The following ZNF385D variants were observed in gnomAD, a reference collection of about 807,000 sequenced individuals.
The protein encoded by ZNF385D is zinc finger protein 385D, also known as zinc finger protein 659.
In ZNF385D, 15 loss-of-function variants were observed where a neutral mutation model predicts 35.8. The ratio of observed to expected loss-of-function variants is 0.42; its 90% confidence interval spans 0.28 to 0.64. The LOEUF is 0.64. Ranked by LOEUF, ZNF385D falls within the 30% of genes least tolerant of loss-of-function variation. The probability of loss-of-function intolerance (pLI) is 0.23; values close to 1 mark genes in which losing one functional copy is unlikely to be tolerated. For missense variants in ZNF385D, 474 were observed against 494.6 expected (o/e 0.96, Z 0.39); for synonymous variants, 212 against 186.8 (o/e 1.13, Z -1.10).
intron 1 of ZNF385D, among the ~76,000 whole-genome samples, chr3:21,750,134 C>T (rs1280317506): frequency 6.6e-6 from 1 of 152,222 alleles, no homozygotes; most frequent in Non-Finnish European, 1.5e-5. Flanking sequence ...GGCTTGCCTC[C>T]TGTACTAGCA....
intron 3 of ZNF385D, among the ~76,000 whole-genome samples, chr3:21,769,338 G>A (rs548673781): frequency 2.2e-4 from 28 of 129,010 alleles, no homozygotes; most frequent in East Asian, 2.6e-4. Context: ...AGAAAACCCC[G>A]TCGTCTCAGC....
chr3:21,483,387 A>G (rs549225531), intron 4 of ZNF385D, among the ~76,000 whole-genome samples: 51 of 152,312 alleles, frequency 3.3e-4, no homozygotes, highest in South Asian at 1.2e-3. Flanking sequence ...CACTTGCCCA[A>G]TGAAAGACAG....
intron 3 of ZNF385D, among the ~76,000 whole-genome samples, chr3:21,963,579 T>C (rs1237356633): frequency 6.6e-6 from 1 of 152,160 alleles, no homozygotes; most frequent in Admixed American, 6.6e-5. Context: ...ATTCCACTTG[T>C]AAGAACAAGT....
chr3:22,061,318 TTTC>T (rs1272942573), intron 3 of ZNF385D, among the ~76,000 whole-genome samples: 14 of 152,132 alleles, frequency 9.2e-5, no homozygotes, highest in African/African-American at 3.4e-4. Flanking sequence ...TTCATTTACT[TTTC>T]TTCTGTCCAA....
intron 4 of ZNF385D, among the ~76,000 whole-genome samples, chr3:21,444,895 G>GC (rs1702066194): frequency 6.6e-6 from 1 of 152,100 alleles, no homozygotes; most frequent in Non-Finnish European, 1.5e-5. Flanking sequence ...AGTTGCAGAA[G>GC]CCCCCAAAAA....
At chr3:21,943,798 T>G (rs1201685244) in intron 3 of ZNF385D, among the ~76,000 whole-genome samples, 1 of 152,170 alleles carries the variant, frequency 6.6e-6, no homozygotes, top group African/African-American at 2.4e-5. Flanking sequence ...CCTGGCAGTT[T>G]AATGGAATGG....
chr3:21,665,144 T>C, intron 1 of ZNF385D, 116 bp from the exon 2 acceptor site: 1 of 1,325,860 alleles, frequency 7.5e-7, no homozygotes. Flanking sequence ...AAACAAGACA[T>C]GGACTCTATT....
chr3:22,135,037 T>A (rs770481856), intron 3 of ZNF385D, among the ~76,000 whole-genome samples: 3 of 152,118 alleles, frequency 2.0e-5, no homozygotes, highest in Non-Finnish European at 2.9e-5. Context: ...CATAAGAGAA[T>A]CATAGTAGAA....
chr3:22,003,048 C>T (rs548633705), intron 3 of ZNF385D, among the ~76,000 whole-genome samples: 2 of 152,194 alleles, frequency 1.3e-5, no homozygotes, highest in Non-Finnish European at 2.9e-5. Flanking sequence ...CACTCTTACT[C>T]AGCATGGTAC....
intron 1 of ZNF385D, among the ~76,000 whole-genome samples, chr3:21,718,488 T>A (rs1165888206): frequency 1.3e-5 from 2 of 152,250 alleles, no homozygotes; most frequent in African/African-American, 4.8e-5. Flanking sequence ...ACTTACTACG[T>A]GCCCGGATAT....
At chr3:22,214,706 T>C (rs2638129) in intron 2 of ZNF385D, among the ~76,000 whole-genome samples, 86,677 of 151,646 alleles carry the variant, frequency 0.57, 26,099 homozygotes, top group African/African-American at 0.75. Context: ...ACGAGGAAAT[T>C]CCCACCTAAT....
At chr3:22,113,925 T>C in intron 3 of ZNF385D, among the ~76,000 whole-genome samples, 1 of 152,082 alleles carries the variant, frequency 6.6e-6, no homozygotes, top group East Asian at 1.9e-4. Flanking sequence ...ATAAAAATAA[T>C]AGGGTACATT....
intron 1 of ZNF385D, 119 bp downstream of exon 1, chr3:21,750,776 C>G (rs572848497): frequency 3.1e-6 from 4 of 1,289,870 alleles, no homozygotes; most frequent in Non-Finnish European, 4.4e-6. Context: ...CTCCAGTTGC[C>G]AACTGGAGGT....
intron 2 of ZNF385D, among the ~76,000 whole-genome samples, chr3:21,590,206 T>C (rs943020944): frequency 1.3e-5 from 2 of 152,120 alleles, no homozygotes; most frequent in African/African-American, 2.4e-5. Flanking sequence ...CATGGATGGA[T>C]CTCAGACACA....
chr3:21,739,690 A>G (rs1452843480), intron 1 of ZNF385D, among the ~76,000 whole-genome samples: 1 of 152,198 alleles, frequency 6.6e-6, no homozygotes, highest in African/African-American at 2.4e-5. Context: ...AGATGATTTA[A>G]AAGCTGCCCT....
intron 3 of ZNF385D, among the ~76,000 whole-genome samples, chr3:21,783,687 C>G (rs2071579382): frequency 6.6e-6 from 1 of 152,100 alleles, no homozygotes; most frequent in Non-Finnish European, 1.5e-5. Flanking sequence ...GACTTCTCTG[C>G]ATGCACGAAG....
chr3:21,964,080 A>G (rs1702745764), intron 3 of ZNF385D, among the ~76,000 whole-genome samples: 1 of 152,128 alleles, frequency 6.6e-6, no homozygotes, highest in Admixed American at 6.6e-5. Flanking sequence ...GGTGGTTATC[A>G]TCATTTCCTA....
intron 2 of ZNF385D, among the ~76,000 whole-genome samples, chr3:22,238,126 T>C (rs1399771789): frequency 1.3e-5 from 2 of 151,198 alleles, no homozygotes; most frequent in Non-Finnish European, 2.9e-5. Context: ...GATGTGAAGA[T>C]TTATTTCTGC....
At chr3:21,445,624 T>G (rs1702106485) in intron 4 of ZNF385D, among the ~76,000 whole-genome samples, 1 of 152,184 alleles carries the variant, frequency 6.6e-6, no homozygotes, top group Non-Finnish European at 1.5e-5. Context: ...AATTTCTAAG[T>G]CAAAGAGGAT....
Sources: allele counts gnomAD v4.1 joint callset (sites outside exome capture counted in the v4.1 genomes callset), GRCh38; gene constraint gnomAD v4.1.1; transcripts MANE v1.5; gene names NCBI Gene and HGNC (gene_info 2026-07-23, HGNC 2026-07-21).